KANK4: variants seen among roughly 807,000 people sequenced by gnomAD.
KANK4 encodes the protein KN motif and ankyrin repeat domains 4.
Under a neutral mutation model 80.8 loss-of-function variants are expected in KANK4, and 50 were observed. That is an observed-to-expected ratio of 0.62 (90% CI 0.49 to 0.78). The LOEUF (loss-of-function observed/expected upper bound fraction) is 0.78. Ranked by LOEUF, KANK4 falls within the 30% of genes least tolerant of loss-of-function variation. The probability of loss-of-function intolerance (pLI) is 0.00; values close to 1 mark genes in which losing one functional copy is unlikely to be tolerated. For missense variants in KANK4, 1,196 were observed against 1,240.1 expected, an observed-to-expected ratio of 0.96 and a Z score of 0.53; for synonymous variants, 465 against 506.9, an observed-to-expected ratio of 0.92 and a Z score of 1.11.
intron 6 of KANK4, among the ~76,000 whole-genome samples, chr1:62,266,357 A>G (rs2149135412): frequency 6.6e-6 from 1 of 150,520 alleles, no homozygotes; most frequent in East Asian, 2.0e-4. Flanking sequence ...CACTGCACAC[A>G]CACCACTGCT....
intron 7 of KANK4, 59 bp from the exon 8 acceptor site, chr1:62,253,268 C>A: frequency 6.5e-7 from 1 of 1,531,192 alleles, no homozygotes. Context: ...CCAGACTCCA[C>A]TTTAGCCGTT....
At position 62,238,298 on chromosome 1, in the gene KANK4, C is replaced by T. The variant is rs1291032630; in HGVS notation, c.2967G>A (p.Gln989=). 6.2e-7 allele frequency: 1 copy of T among 1,614,034 alleles called. No homozygotes were observed. The highest frequency in any genetic ancestry group is 1.7e-5 in the Admixed American group (1 of 60,020). ...GCCCCTACAGCCCCAGGGACCTGCC[C>T]TGCTCCGCGTGGGCTCTCAGAAGCC... is the stretch of plus-strand genomic sequence containing the variant. ...IAGLLRAHAE[Q]GRSLGL Residue 989 remains glutamine, a synonymous_variant, in exon 10 of 10, where the codon CAG becomes CAA. Transcript: ENST00000371153.
At chr1:62,309,822 G>C (rs1297245092) in intron 1 of KANK4, among the ~76,000 whole-genome samples, 6 of 152,174 alleles carry the variant, frequency 3.9e-5, no homozygotes, top group Non-Finnish European at 7.3e-5. Context: ...AACAAGAGCT[G>C]CCTGGAGAAG....
chr1:62,255,448 G>A (rs1304897613), intron 7 of KANK4, among the ~76,000 whole-genome samples: 1 of 151,610 alleles, frequency 6.6e-6, no homozygotes, highest in Non-Finnish European at 1.5e-5. Flanking sequence ...TTGCTCTGTT[G>A]CCCAGGCTGG....
chr1:62,245,879 A>G (rs1482123580), intron 9 of KANK4, among the ~76,000 whole-genome samples: 2 of 152,304 alleles, frequency 1.3e-5, no homozygotes, highest in East Asian at 3.9e-4. Flanking sequence ...GATTGTTTCA[A>G]TGATATGTGG....
chr1:62,243,661 G>T (rs1272110639), intron 9 of KANK4, among the ~76,000 whole-genome samples: 1 of 152,114 alleles, frequency 6.6e-6, no homozygotes, highest in Non-Finnish European at 1.5e-5. Context: ...ATTCTTTGCT[G>T]TTCCTGTGCG....
rs535295101 is a variant in KANK4 at position 62,316,300 on chromosome 1, T to C, written c.-71+2806A>G. ...GGAGAGGGCCCATCTGTCTTCCTAA[T>C]TGTCAACTCTGCCCATAATATTTTT... On this transcript the variant is annotated intron_variant, in intron 1 of 9. Coordinates refer to ENST00000371153, the MANE Select transcript of KANK4 (RefSeq NM_181712.5). Among the ~76,000 whole-genome samples the C allele has an allele frequency of 4.2e-4, 64 of 152,326 alleles. 1 individual carries two copies. The highest frequency in any genetic ancestry group is 1.4e-3 in the African/African-American group (57 of 41,570).
chr1:62,278,397 C>T (rs375160747), intron 2 of KANK4, among the ~76,000 whole-genome samples: 5,508 of 28,824 alleles, frequency 0.19, 1,064 homozygotes, highest in African/African-American at 0.42. Flanking sequence ...TTCTTTCTTT[C>T]TTTTTTTTTT....
chr1:62,313,920 T>G (rs1644518487), intron 1 of KANK4, among the ~76,000 whole-genome samples: 1 of 152,188 alleles, frequency 6.6e-6, no homozygotes, highest in Non-Finnish European at 1.5e-5. Context: ...CCATTCATAC[T>G]CAACGTCGTA....
intron 2 of KANK4, 135 bp downstream of exon 2, chr1:62,281,414 G>C: frequency 9.5e-7 from 1 of 1,051,596 alleles, no homozygotes; most frequent in Non-Finnish European, 1.5e-6. Context: ...ATACATGCTT[G>C]AGCCTACCAG....
At chr1:62,284,562 G>A (rs984317311) in intron 1 of KANK4, among the ~76,000 whole-genome samples, 20 of 152,076 alleles carry the variant, frequency 1.3e-4, no homozygotes, top group Admixed American at 2.6e-4. Context: ...CAGGTGATCC[G>A]CCCACCTTGG....
At chr1:62,247,341 T>C (rs1478917972) in intron 9 of KANK4, 131 bp downstream of exon 9, 6 of 699,326 alleles carry the variant, frequency 8.6e-6, no homozygotes, top group African/African-American at 1.8e-5. Flanking sequence ...GGTCTCCCTA[T>C]GTTGCCTAGG....
chr1:62,314,924 G>A (rs1204128417), intron 1 of KANK4, among the ~76,000 whole-genome samples: 2 of 152,100 alleles, frequency 1.3e-5, no homozygotes, highest in African/African-American at 4.8e-5. Flanking sequence ...TTCTTCAGAC[G>A]CCACCAATCT....
intron 1 of KANK4, among the ~76,000 whole-genome samples, chr1:62,286,453 G>A (rs1461727651): frequency 1.3e-5 from 2 of 152,202 alleles, no homozygotes; most frequent in Non-Finnish European, 2.9e-5. Context: ...AACTAAGACT[G>A]GATCTTGCAG....
chr1:62,269,278 G>A lies in KANK4; in HGVS notation c.2013-773C>T, dbSNP rs374803109. Among the ~76,000 whole-genome samples the A allele has an allele frequency of 2.6e-5, 4 of 152,356 alleles. No individual in the cohort carries two copies. The South Asian group carries it at 6.2e-4, about 24-fold the overall frequency. On this transcript the variant is annotated intron_variant, in intron 4 of 9. Coordinates refer to ENST00000371153, the MANE Select transcript of KANK4 (RefSeq NM_181712.5). ...ACTCCTCTACTGATATTCAACAGGA[G>A]ATCCCTAATGGAGAATGCTGGTGGT... is the stretch of plus-strand genomic sequence containing the variant.
chr1:62,305,417 T>C (rs59712922), intron 1 of KANK4, among the ~76,000 whole-genome samples: 9,164 of 152,202 alleles, frequency 0.06, 794 homozygotes, highest in African/African-American at 0.2. Context: ...CAAGCAATTC[T>C]CCTGCTTCAG....
intron 7 of KANK4, among the ~76,000 whole-genome samples, chr1:62,261,625 C>T (rs1671888859): frequency 6.6e-6 from 1 of 152,074 alleles, no homozygotes; most frequent in Non-Finnish European, 1.5e-5. Context: ...AGAGAATTAC[C>T]CTGGTTATGG....
rs771067968 is a variant in KANK4 at position 62,253,202 on chromosome 1, G to A, written c.2547C>T (p.Cys849=). 1.5e-5 allele frequency: 24 copies of A among 1,605,190 alleles called. No individual in the cohort carries two copies. In the South Asian group the frequency reaches 2.6e-4, roughly 17 times the overall value. Residue 849 remains cysteine (C), a synonymous_variant, in exon 8 of 10, where the codon TGC becomes TGT. Transcript: ENST00000371153. ...CAGCTTTGTTCTGATGGTCCACATT[G>A]CAGACGCCTGCAAGAGAAGCAATGG... The part of the protein sequence containing the change: ...IVKLLLETGV[C]NVDHQNKAGY...
At chr1:62,266,286 C>A (rs925791984) in intron 6 of KANK4, among the ~76,000 whole-genome samples, 1 of 152,232 alleles carries the variant, frequency 6.6e-6, no homozygotes, top group Non-Finnish European at 1.5e-5. Flanking sequence ...GAAATGGGCC[C>A]TGGCCTGCAC....
Sources: allele counts gnomAD v4.1 joint callset (sites outside exome capture counted in the v4.1 genomes callset), GRCh38; gene constraint gnomAD v4.1.1; transcripts MANE v1.5; gene names NCBI Gene and HGNC (gene_info 2026-07-23, HGNC 2026-07-21).